Variants in SLC26A7 observed in about 807,000 individuals in gnomAD.
SLC26A7 encodes solute carrier family 26 member 7.
SLC26A7 carries 59 observed loss-of-function variants against 82.5 expected under a neutral mutation model. The observed-to-expected ratio is 0.72, with a 90% confidence interval of 0.58 to 0.89. The LOEUF is 0.89. SLC26A7 is among the 40% of genes least tolerant of loss of function. The probability of loss-of-function intolerance (pLI) is 0.00; values close to 1 mark genes in which losing one functional copy is unlikely to be tolerated. For missense variants in SLC26A7, 820 were observed against 793.0 expected (o/e 1.03, Z -0.41); for synonymous variants, 271 against 274.3 (o/e 0.99, Z 0.12).
intron 2 of SLC26A7, among the ~76,000 whole-genome samples, chr8:91,258,854 C>A (rs1413792812): frequency 1.3e-5 from 2 of 152,004 alleles, no homozygotes; most frequent in Non-Finnish European, 2.9e-5. Context: ...ACAGTTTTGT[C>A]CCTCTATTCT....
intron 2 of SLC26A7, among the ~76,000 whole-genome samples, chr8:91,237,102 T>C (rs543400217): frequency 6.6e-6 from 1 of 152,364 alleles, no homozygotes; most frequent in East Asian, 1.9e-4. Flanking sequence ...CACAGCAAGC[T>C]GGTGGCCAGG....
intron 1 of SLC26A7, among the ~76,000 whole-genome samples, chr8:91,211,619 T>TA (rs1554597829): frequency 4.8e-5 from 7 of 144,698 alleles, no homozygotes; most frequent in Non-Finnish European, 9.1e-5. Context: ...TATATATATT[T>TA]TTTTTTTATT....
At chr8:91,334,149 T>C in intron 5 of SLC26A7, 146 bp from the exon 6 acceptor site, 1 of 710,462 alleles carries the variant, frequency 1.4e-6, no homozygotes, top group Non-Finnish European at 2.3e-6. Flanking sequence ...GCATTAGCAC[T>C]GACTACCCGC....
intron 12 of SLC26A7, 62 bp downstream of exon 12, chr8:91,362,521 C>A: frequency 2.4e-6 from 3 of 1,237,794 alleles, no homozygotes; most frequent in East Asian, 2.3e-5. Flanking sequence ...TGGTTACTTG[C>A]CATATGGTAC....
chr8:91,372,588 A>G (rs1405218275), intron 15 of SLC26A7, among the ~76,000 whole-genome samples: 2 of 151,976 alleles, frequency 1.3e-5, no homozygotes, highest in Admixed American at 6.6e-5. Flanking sequence ...CCATTGATCT[A>G]TGTATCTGTT....
At chr8:91,372,940 C>T (rs759806653) in intron 15 of SLC26A7, among the ~76,000 whole-genome samples, 36 of 151,912 alleles carry the variant, frequency 2.4e-4, no homozygotes, top group African/African-American at 2.2e-4. Flanking sequence ...AGGCCTTTCA[C>T]GTCCTTGTGT....
intron 15 of SLC26A7, among the ~76,000 whole-genome samples, chr8:91,374,978 A>G (rs1439468528): frequency 6.6e-6 from 1 of 151,856 alleles, no homozygotes; most frequent in Non-Finnish European, 1.5e-5. Flanking sequence ...ATCATTATAT[A>G]AGGCCCTTCT....
intron 13 of SLC26A7, among the ~76,000 whole-genome samples, chr8:91,365,669 T>C (rs919446375): frequency 6.6e-6 from 1 of 152,228 alleles, no homozygotes; most frequent in Non-Finnish European, 1.5e-5. Context: ...AGTTTAAACA[T>C]TTATCTCATT....
chr8:91,315,567 A>G (rs1202248766), intron 4 of SLC26A7, among the ~76,000 whole-genome samples: 4 of 152,112 alleles, frequency 2.6e-5, no homozygotes, highest in African/African-American at 9.7e-5. Context: ...AAATGTTAGT[A>G]GCAGAAGCTG....
At chr8:91,233,620 G>T (rs1340106729) in intron 2 of SLC26A7, among the ~76,000 whole-genome samples, 1 of 151,830 alleles carries the variant, frequency 6.6e-6, no homozygotes, top group African/African-American at 2.4e-5. Flanking sequence ...GAAAACGTAG[G>T]AGAGGGGTGT....
intron 15 of SLC26A7, among the ~76,000 whole-genome samples, chr8:91,373,407 A>G (rs1441688315): frequency 6.6e-6 from 1 of 151,834 alleles, no homozygotes; most frequent in African/African-American, 2.4e-5. Flanking sequence ...TTTAATACCT[A>G]ATTTGTTGAG....
At chr8:91,345,666 C>T (rs1813543015) in intron 9 of SLC26A7, among the ~76,000 whole-genome samples, 1 of 152,028 alleles carries the variant, frequency 6.6e-6, no homozygotes, top group South Asian at 2.1e-4. Context: ...TCCAAGATGC[C>T]CACTGTGCGG....
chr8:91,288,753 C>T (rs1314389687), intron 2 of SLC26A7, among the ~76,000 whole-genome samples: 3 of 152,126 alleles, frequency 2.0e-5, no homozygotes, highest in Non-Finnish European at 2.9e-5. Context: ...CTTCTAGTCT[C>T]GCCTATCTTA....
chr8:91,284,164 G>A (rs1253190266), intron 2 of SLC26A7, among the ~76,000 whole-genome samples: 1 of 152,086 alleles, frequency 6.6e-6, no homozygotes, highest in East Asian at 1.9e-4. Flanking sequence ...AGAAGATAGC[G>A]GAAATTTATA....
chr8:91,394,964 C>A, intron 18 of SLC26A7, 98 bp from the exon 19 acceptor site: 1 of 1,380,762 alleles, frequency 7.2e-7, no homozygotes, highest in Non-Finnish European at 1.0e-6. Flanking sequence ...TTTGGCTTAG[C>A]TGGACAGCTT....
intron 2 of SLC26A7, among the ~76,000 whole-genome samples, chr8:91,256,009 A>G (rs1037664505): frequency 6.6e-6 from 1 of 152,106 alleles, no homozygotes; most frequent in African/African-American, 2.4e-5. Flanking sequence ...CCCCTGTTCC[A>G]TATATAGTAC....
In SLC26A7 at chr8:91,304,055, A is replaced by T. The variant is rs146991457; in HGVS notation, c.477+8352A>T. On this transcript the variant is annotated intron_variant, in intron 4 of 18. Coordinates refer to ENST00000276609, the MANE Select transcript of SLC26A7 (RefSeq NM_052832.4). ...CTTAAAATTATAAAAAACTTTCCTT[A>T]TGTACAAAAATAATTATATTTATTA... 1.5e-3 allele frequency among the ~76,000 whole-genome samples: 225 copies of T among 152,346 alleles called. 2 individuals are homozygous for T. The highest frequency in any genetic ancestry group is 5.3e-3 in the African/African-American group (222 of 41,590).
chr8:91,295,073 C>T (rs1811979208), intron 3 of SLC26A7, among the ~76,000 whole-genome samples: 1 of 152,136 alleles, frequency 6.6e-6, no homozygotes, highest in Admixed American at 6.5e-5. Context: ...CTGAGGTCTT[C>T]ATACCTATCA....
chr8:91,227,088 A>ATGTATG (rs1272908270), intron 2 of SLC26A7, among the ~76,000 whole-genome samples: 1 of 152,170 alleles, frequency 6.6e-6, no homozygotes. Context: ...CCACATATAC[A>ATGTATG]TGTATGTGTA....
Sources: gnomAD v4.1 joint callset for allele counts (sites outside exome capture counted in the v4.1 genomes callset) on GRCh38, gnomAD v4.1.1 for gene constraint, MANE v1.5 for transcripts, NCBI Gene and HGNC (gene_info 2026-07-23, HGNC 2026-07-21) for gene names.